Variants in LY96 observed in about 807,000 individuals in gnomAD.
The protein encoded by LY96 is lymphocyte antigen 96, also known as myeloid differentiation protein-2.
LY96 carries 18 observed loss-of-function variants against 18.9 expected under a neutral mutation model. The observed-to-expected ratio is 0.95, with a 90% confidence interval of 0.66 to 1.41. The LOEUF is 1.41. LY96 is among the 40% of genes most tolerant of loss of function. The pLI is 0.00. For missense variants in LY96, 175 were observed against 182.4 expected, an observed-to-expected ratio of 0.96 and a Z score of 0.23; for synonymous variants, 66 against 62.6, an observed-to-expected ratio of 1.06 and a Z score of -0.26.
At chr8:74,000,951 C>T (rs1816250150) in intron 1 of LY96, among the ~76,000 whole-genome samples, 1 of 152,186 alleles carries the variant, frequency 6.6e-6, no homozygotes, top group South Asian at 2.1e-4. Context: ...CTAATCCACT[C>T]CTGCAACAAC....
At chr8:74,063,421 C>T in the LY96 span, among the ~76,000 whole-genome samples, 1 of 152,132 alleles carries the variant, frequency 6.6e-6, no homozygotes, top group Admixed American at 6.6e-5. Context: ...TAAAAACAAT[C>T]ACCTATATAT....
the LY96 span, among the ~76,000 whole-genome samples, chr8:74,068,396 T>C: frequency 6.6e-6 from 1 of 152,230 alleles, no homozygotes; most frequent in Non-Finnish European, 1.5e-5. Context: ...GGATAGTCTT[T>C]GGTTTTAGCT....
the LY96 span, among the ~76,000 whole-genome samples, chr8:74,073,644 T>A: frequency 8.7e-5 from 1 of 11,542 alleles, no homozygotes; most frequent in Non-Finnish European, 1.9e-4. Context: ...TTGATGAATT[T>A]ATTTATTTAT....
chr8:74,091,663 CTA>C, the LY96 span, among the ~76,000 whole-genome samples: 1 of 152,198 alleles, frequency 6.6e-6, no homozygotes, highest in South Asian at 2.1e-4. Flanking sequence ...TGGTTTCTCT[CTA>C]AGCGATATTT....
intron 2 of LY96, among the ~76,000 whole-genome samples, chr8:74,008,618 G>A (rs1173158373): frequency 6.6e-6 from 1 of 151,526 alleles, no homozygotes; most frequent in Non-Finnish European, 1.5e-5. Context: ...ACTGGGACTG[G>A]GAATTCTAGT....
the LY96 span, among the ~76,000 whole-genome samples, chr8:74,058,559 A>G: frequency 0.32 from 46,616 of 147,982 alleles, 9,489 homozygotes; most frequent in African/African-American, 0.59. Flanking sequence ...TTGCTTTGTC[A>G]CCCAAGCTGG....
chr8:74,069,777 A>AT, the LY96 span, among the ~76,000 whole-genome samples: 1 of 151,530 alleles, frequency 6.6e-6, no homozygotes, highest in African/African-American at 2.4e-5. Context: ...TAATTTTTGT[A>AT]TTTTTGTAGA....
downstream of LY96, among the ~76,000 whole-genome samples, chr8:74,032,999 A>G (rs1432885446): frequency 6.6e-6 from 1 of 152,178 alleles, no homozygotes; most frequent in Non-Finnish European, 1.5e-5. Flanking sequence ...GATGACCCAA[A>G]TATTCTCCAA....
chr8:73,996,381 CTTTCTTTCTTTCTTTCTTT>C (rs1816140239), intron 1 of LY96, among the ~76,000 whole-genome samples: 1 of 42,256 alleles, frequency 2.4e-5, no homozygotes, highest in East Asian at 5.5e-4. Context: ...TCCTTTCTTT[CTTTCTTTCTTTCTTTCTTT>C]CTTTCTTTCT....
At chr8:74,048,677 G>A in the LY96 span, 5 of 152,120 alleles carry the variant, frequency 3.3e-5, no homozygotes, top group African/African-American at 4.8e-5. Flanking sequence ...ACTTGGTCAC[G>A]TGCTCGCTTC....
downstream of LY96, among the ~76,000 whole-genome samples, chr8:74,030,945 G>C (rs2131289310): frequency 6.6e-6 from 1 of 152,318 alleles, no homozygotes; most frequent in South Asian, 2.1e-4. Flanking sequence ...AGTACCCATG[G>C]GTTGTTGGGC....
chr8:74,034,540 T>A, the LY96 span, among the ~76,000 whole-genome samples: 2 of 152,186 alleles, frequency 1.3e-5, no homozygotes, highest in Non-Finnish European at 2.9e-5. Context: ...ATTTTTCTTC[T>A]TATTTTTAGT....
chr8:74,056,435 TAGAAAGACATAG>T, the LY96 span: 2 of 201,376 alleles, frequency 9.9e-6, no homozygotes, highest in Admixed American at 6.2e-5. Context: ...TAGACAGCAC[TAGAAAGACATAG>T]AAAGCCTTGC....
chr8:74,031,984 T>A (rs1563723207), downstream of LY96, among the ~76,000 whole-genome samples: 1 of 151,728 alleles, frequency 6.6e-6, no homozygotes, highest in East Asian at 2.0e-4. Flanking sequence ...AATTATCTGG[T>A]AGTGGTGGCG....
chr8:74,027,661 C>T (rs1816898411), intron 4 of LY96, among the ~76,000 whole-genome samples: 1 of 152,122 alleles, frequency 6.6e-6, no homozygotes, highest in Admixed American at 6.5e-5. Flanking sequence ...TAACTGGTTA[C>T]AGGGAGAAGG....
intron 4 of LY96, among the ~76,000 whole-genome samples, chr8:74,028,317 A>AT (rs564423272): frequency 2.7e-5 from 4 of 150,868 alleles, no homozygotes; most frequent in South Asian, 2.1e-4. Context: ...TTTCCGCTTC[A>AT]TTTTTTTTTC....
chr8:74,002,022 C>T (rs187746209), intron 1 of LY96, among the ~76,000 whole-genome samples: 1,027 of 15,568 alleles, frequency 0.066, 6 homozygotes, highest in Middle Eastern at 0.12. Context: ...TTCCTTCCTT[C>T]CTTCCTTCCT....
chr8:74,017,534 T>A (rs945893463), intron 3 of LY96, among the ~76,000 whole-genome samples: 1 of 152,046 alleles, frequency 6.6e-6, no homozygotes, highest in African/African-American at 2.4e-5. Flanking sequence ...AACATTCAAA[T>A]TCAGGAAATA....
the LY96 span, among the ~76,000 whole-genome samples, chr8:74,036,628 A>G: frequency 1.3e-5 from 2 of 152,176 alleles, no homozygotes; most frequent in South Asian, 4.1e-4. Flanking sequence ...CCCATTCCTT[A>G]GCCCCCAGCC....
Sources: gnomAD v4.1 joint callset for allele counts (sites outside exome capture counted in the v4.1 genomes callset) on GRCh38, gnomAD v4.1.1 for gene constraint, MANE v1.5 for transcripts, NCBI Gene and HGNC (gene_info 2026-07-23, HGNC 2026-07-21) for gene names.